The following PPM1H variants were observed in gnomAD, a reference collection of about 807,000 sequenced individuals.
PPM1H encodes protein phosphatase 1H.
PPM1H carries 27 observed loss-of-function variants against 54.9 expected under a neutral mutation model. The ratio of observed to expected loss-of-function variants is 0.49; its 90% CI spans 0.36 to 0.68. The LOEUF is 0.68. PPM1H is among the 30% of genes least tolerant of loss of function. The pLI, the probability that PPM1H is intolerant of heterozygous loss-of-function variation, is 0.00. For missense variants in PPM1H, 596 were observed against 667.8 expected (o/e 0.89, Z 1.19); for synonymous variants, 305 against 270.8 (o/e 1.13, Z -1.24).
chr12:62,894,155 G>T (rs912155676), intron 1 of PPM1H, among the ~76,000 whole-genome samples: 1 of 152,122 alleles, frequency 6.6e-6, no homozygotes, highest in Non-Finnish European at 1.5e-5. Flanking sequence ...AAAACTGCAG[G>T]CTCATGATCA....
intron 9 of PPM1H, among the ~76,000 whole-genome samples, chr12:62,662,442 C>T (rs2075889972): frequency 1.3e-5 from 2 of 152,198 alleles, no homozygotes; most frequent in African/African-American, 2.4e-5. Flanking sequence ...GAGGAGGAGA[C>T]AGATGGTCTA....
At chr12:62,832,667 C>A (rs1868386646) in intron 1 of PPM1H, among the ~76,000 whole-genome samples, 1 of 152,086 alleles carries the variant, frequency 6.6e-6, no homozygotes, top group Non-Finnish European at 1.5e-5. Context: ...TTTCACTTCT[C>A]CAAGTGATAA....
At chr12:62,804,185 C>T (rs189139438) in intron 2 of PPM1H, among the ~76,000 whole-genome samples, 4 of 151,976 alleles carry the variant, frequency 2.6e-5, no homozygotes, top group African/African-American at 9.7e-5. Flanking sequence ...AAAGAAAAGG[C>T]CTAAAGATTG....
chr12:62,801,588 G>C, intron 3 of PPM1H, among the ~76,000 whole-genome samples: 1 of 152,132 alleles, frequency 6.6e-6, no homozygotes, highest in East Asian at 1.9e-4. Flanking sequence ...TTTCAAGCGT[G>C]AGCCACCGCA....
chr12:62,668,210 A>T (rs944826477), intron 8 of PPM1H, among the ~76,000 whole-genome samples: 14 of 152,126 alleles, frequency 9.2e-5, no homozygotes, highest in African/African-American at 3.4e-4. Context: ...TCCTACTTCA[A>T]TGTGGGAGGG....
At chr12:62,829,060 A>G (rs1868322840) in intron 2 of PPM1H, among the ~76,000 whole-genome samples, 1 of 152,200 alleles carries the variant, frequency 6.6e-6, no homozygotes. Context: ...AAAAAATTAA[A>G]CAGAATTATC....
intron 1 of PPM1H, among the ~76,000 whole-genome samples, chr12:62,873,610 T>C (rs1870062113): frequency 6.6e-6 from 1 of 152,200 alleles, no homozygotes; most frequent in Non-Finnish European, 1.5e-5. Context: ...ATCCATGTCA[T>C]TACTGCAATC....
intron 1 of PPM1H, among the ~76,000 whole-genome samples, chr12:62,882,431 T>C (rs1226776848): frequency 6.6e-6 from 1 of 152,224 alleles, no homozygotes; most frequent in Non-Finnish European, 1.5e-5. Context: ...CCAGATAACA[T>C]GTAATTGTAA....
chr12:62,662,098 G>C (rs936013160), intron 9 of PPM1H, among the ~76,000 whole-genome samples: 74 of 152,292 alleles, frequency 4.9e-4, no homozygotes, highest in African/African-American at 1.8e-3. Context: ...CCAGGAGCCT[G>C]CTCTGACCTG....
intron 1 of PPM1H, among the ~76,000 whole-genome samples, chr12:62,899,042 C>T (rs187231388): frequency 3.3e-5 from 5 of 152,144 alleles, no homozygotes; most frequent in Admixed American, 2.0e-4. Context: ...TATGTGAAGC[C>T]GGGAACAATA....
Position 62,870,817 on chromosome 12 carries a change from C to T in PPM1H, c.246-38538G>A, listed in dbSNP as rs117346991. ...GCCAATAAGCACAGGGAAAAATGCT[C>T]AACATCTTTAGTCATTAGGGAAATG... On this transcript the variant is annotated intron_variant, in intron 1 of 9. Transcript: ENST00000228705. Among the ~76,000 whole-genome samples the T allele has an allele frequency of 5.2e-3, 795 of 152,262 alleles. 2 individuals are homozygous for T. The highest frequency in any genetic ancestry group is 7.5e-3 in the Non-Finnish European group (512 of 68,022).
intron 1 of PPM1H, among the ~76,000 whole-genome samples, chr12:62,901,092 T>C (rs1305854438): frequency 6.6e-6 from 1 of 152,206 alleles, no homozygotes; most frequent in African/African-American, 2.4e-5. Context: ...GGATACATTT[T>C]TGCATCATGT....
chr12:62,689,409 G>C (rs527584420), intron 8 of PPM1H, among the ~76,000 whole-genome samples: 1 of 152,194 alleles, frequency 6.6e-6, no homozygotes, highest in South Asian at 2.1e-4. Context: ...GAGCAATTAG[G>C]AGTCAGTTTT....
intron 6 of PPM1H, among the ~76,000 whole-genome samples, chr12:62,709,408 A>C (rs1034814975): frequency 2.6e-5 from 4 of 152,120 alleles, no homozygotes; most frequent in African/African-American, 2.4e-5. Flanking sequence ...TGATTGTCCA[A>C]ATATTTTGAA....
At chr12:62,786,927 T>C (rs595455) in intron 4 of PPM1H, among the ~76,000 whole-genome samples, 54,377 of 152,132 alleles carry the variant, frequency 0.36, 10,603 homozygotes, top group African/African-American at 0.51. Context: ...GAATATTTGT[T>C]GTAAAATGTA....
intron 9 of PPM1H, among the ~76,000 whole-genome samples, chr12:62,652,433 C>T (rs145139498): frequency 6.6e-6 from 1 of 152,162 alleles, no homozygotes; most frequent in Non-Finnish European, 1.5e-5. Context: ...CTAATTAAAA[C>T]AAAATCCATA....
In PPM1H at chr12:62,746,825, A is replaced by AC. The variant is rs570137560; in HGVS notation, c.870-9240dup. 4.6e-3 allele frequency among the ~76,000 whole-genome samples: 696 copies of AC among 151,712 alleles called. 5 individuals are homozygous for AC. Among genetic ancestry groups the AC allele is most frequent in the Non-Finnish European group, 7.4e-3 (502 of 67,924 alleles). ...GTTTGAACAGTAGAAGCTCATTCACACCCCCCCACTTCTAAATTTCCTAAT... is the reference window on the plus strand; with the variant it reads ...GTTTGAACAGTAGAAGCTCATTCACACCCCCCCCACTTCTAAATTTCCTAAT... On this transcript the variant is annotated intron_variant, in intron 4 of 9. Coordinates refer to ENST00000228705, the MANE Select transcript of PPM1H (RefSeq NM_020700.2).
At chr12:62,801,783 G>A (rs777935990) in intron 3 of PPM1H, 33 bp downstream of exon 3, 2 of 1,608,300 alleles carry the variant, frequency 1.2e-6, no homozygotes, top group East Asian at 2.2e-5. Flanking sequence ...CGCCAGCCTG[G>A]CCCTGCTGCC....
At chr12:62,771,009 T>C (rs2076575736) in intron 4 of PPM1H, among the ~76,000 whole-genome samples, 1 of 149,614 alleles carries the variant, frequency 6.7e-6, no homozygotes, top group Non-Finnish European at 1.5e-5. Context: ...ATAGTGACCT[T>C]GACTTCACAG....
Sources: allele counts gnomAD v4.1 joint callset (sites outside exome capture counted in the v4.1 genomes callset), GRCh38; gene constraint gnomAD v4.1.1; transcripts MANE v1.5; gene names NCBI Gene and HGNC (gene_info 2026-07-23, HGNC 2026-07-21).